ACVR1: variants seen among roughly 807,000 people sequenced by gnomAD.
ACVR1 encodes the protein activin receptor type-1.
A neutral mutation model predicts 57.1 loss-of-function variants in ACVR1; 38 were observed. The ratio of observed to expected loss-of-function variants is 0.67; its 90% CI spans 0.51 to 0.87. The LOEUF (loss-of-function observed/expected upper bound fraction) is 0.87. Among genes scored for constraint, ACVR1 ranks in the 40% least tolerant of loss-of-function variants. The pLI is 0.00. For missense variants in ACVR1, 463 were observed against 638.2 expected (o/e 0.73, Z 2.96); for synonymous variants, 212 against 228.1 (o/e 0.93, Z 0.63).
chr2:157,801,808 T>C (rs1407728363), intron 2 of ACVR1, among the ~76,000 whole-genome samples: 5 of 152,212 alleles, frequency 3.3e-5, no homozygotes, highest in Non-Finnish European at 7.3e-5. Flanking sequence ...GGATATGTCA[T>C]CACAAACCAT....
intron 1 of ACVR1, among the ~76,000 whole-genome samples, chr2:157,872,046 G>A (rs1690129755): frequency 6.6e-6 from 1 of 152,144 alleles, no homozygotes; most frequent in Non-Finnish European, 1.5e-5. Context: ...CTAAAAATGA[G>A]GAGGTAAATC....
intron 1 of ACVR1, among the ~76,000 whole-genome samples, chr2:157,823,962 C>G (rs1263968719): frequency 6.6e-6 from 1 of 152,168 alleles, no homozygotes; most frequent in Non-Finnish European, 1.5e-5. Context: ...CCCATGTAAT[C>G]TTTTCCTGCA....
rs146610930 is a variant in ACVR1 at position 157,774,171 on chromosome 2, G to A, written c.560C>T (p.Ser187Leu). ...DSTLADLLDH[S>L]CTSGSGSGLP... ...ACCAGAGCCACTTCCTGATGTACAC[G>A]AATGATCCAATAAATCCTGTGGTTT... Residue 187 changes from serine (S) to leucine (L), a missense_variant, in exon 6 of 11, where the codon TCG becomes TTG. Around this residue, in one of 3 missense-constraint regions of ACVR1, gnomAD observed 203 missense variants for 235.5 expected, o/e 0.86. Transcript: ENST00000434821. 1.5e-5 allele frequency: 25 copies of A among 1,613,846 alleles called. No homozygotes were observed. Among genetic ancestry groups the A allele is most frequent in the African/African-American group, 2.7e-5 (2 of 74,912 alleles).
intron 9 of ACVR1, among the ~76,000 whole-genome samples, chr2:157,749,874 G>A (rs1228792311): frequency 1.3e-5 from 2 of 152,194 alleles, no homozygotes; most frequent in Non-Finnish European, 2.9e-5. Context: ...CTGCACCCAT[G>A]TGCACCAATG....
intron 3 of ACVR1, among the ~76,000 whole-genome samples, chr2:157,781,857 C>A (rs1188784751): frequency 6.6e-6 from 1 of 152,188 alleles, no homozygotes; most frequent in African/African-American, 2.4e-5. Context: ...CAGCCAAGTC[C>A]TAGAGGCCAC....
In ACVR1 at chr2:157,774,521, C is replaced by T. The variant is rs190916938; in HGVS notation, c.544-334G>A. The stretch of plus-strand genomic sequence containing the variant: ...CTGGGGTTACAGGCACGCGCCACCA[C>T]GCCCGGCTAATTTTGTATTTTTAGT... On this transcript the variant is annotated intron_variant, in intron 5 of 10. Coordinates refer to ENST00000434821, the MANE Select transcript of ACVR1 (RefSeq NM_001111067.4). Among the ~76,000 whole-genome samples, 92 of 152,254 alleles carry T rather than the reference C, an allele frequency of 6.0e-4. No individual in the cohort carries two copies. The East Asian group carries it at 0.013, about 21-fold the overall frequency.
chr2:157,770,253 T>C, intron 7 of ACVR1, 115 bp downstream of exon 7: 1 of 1,132,748 alleles, frequency 8.8e-7, no homozygotes, highest in Non-Finnish European at 1.3e-6. Context: ...TAAGGATCCC[T>C]ATATTGCTTT....
In ACVR1 at chr2:157,739,876, G is replaced by T. The variant is rs967671777; in HGVS notation, c.1265-1306C>A. Among the ~76,000 whole-genome samples, 3 of 152,124 alleles carry T rather than the reference G, an allele frequency of 2.0e-5. No individual in the cohort carries two copies. The East Asian group carries it at 5.8e-4, about 29-fold the overall frequency. ...AGGTTTATATTTGAGATGGAAACAA[G>T]TCTAAATTATATTTTTTAAAAATCT... On this transcript the variant is annotated intron_variant, in intron 9 of 10. Transcript: ENST00000434821.
At chr2:157,854,301 G>T (rs1407340543) in intron 1 of ACVR1, among the ~76,000 whole-genome samples, 1 of 150,684 alleles carries the variant, frequency 6.6e-6, no homozygotes, top group Admixed American at 6.6e-5. Flanking sequence ...TTTGCACAAA[G>T]ACTTGGTGAT....
At chr2:157,837,434 A>T (rs1040484067) in intron 1 of ACVR1, among the ~76,000 whole-genome samples, 6 of 152,222 alleles carry the variant, frequency 3.9e-5, no homozygotes, top group Non-Finnish European at 4.4e-5. Flanking sequence ...AAAGCTGACT[A>T]AGGCAAGCCT....
chr2:157,774,645 T>G (rs1686208575), intron 5 of ACVR1, among the ~76,000 whole-genome samples: 1 of 152,118 alleles, frequency 6.6e-6, no homozygotes, highest in Non-Finnish European at 1.5e-5. Context: ...ATTACAGGCA[T>G]GAGCCACCAC....
At chr2:157,806,574 G>A (rs114218039) in intron 2 of ACVR1, among the ~76,000 whole-genome samples, 5,110 of 152,258 alleles carry the variant, frequency 0.034, 123 homozygotes, top group Non-Finnish European at 0.053. Context: ...CACTGTAACT[G>A]ATTAGATAAT....
chr2:157,852,034 G>A (rs551844139), intron 1 of ACVR1, among the ~76,000 whole-genome samples: 154 of 151,688 alleles, frequency 1.0e-3, no homozygotes, highest in Middle Eastern at 3.4e-3. Flanking sequence ...CAAGAGCATT[G>A]AATGTGGATT....
chr2:157,795,271 G>A (rs1326704774), intron 3 of ACVR1, among the ~76,000 whole-genome samples: 1 of 151,900 alleles, frequency 6.6e-6, no homozygotes, highest in East Asian at 1.9e-4. Context: ...CTTAACATTT[G>A]CTTTTTAACC....
At chr2:157,765,844 G>T (rs1206092050) in intron 8 of ACVR1, 77 bp downstream of exon 8, 13 of 1,462,040 alleles carry the variant, frequency 8.9e-6, no homozygotes, top group African/African-American at 2.8e-5. Flanking sequence ...AACATGTTGT[G>T]GGGGAGAGAT....
intron 9 of ACVR1, among the ~76,000 whole-genome samples, chr2:157,739,681 A>G (rs1213996492): frequency 6.6e-6 from 1 of 152,204 alleles, no homozygotes; most frequent in African/African-American, 2.4e-5. Context: ...AAGCCACCTG[A>G]AAAGCTTCAA....
At chr2:157,786,837 T>G (rs553552129) in intron 3 of ACVR1, among the ~76,000 whole-genome samples, 8 of 152,264 alleles carry the variant, frequency 5.3e-5, no homozygotes, top group Admixed American at 5.2e-4. Flanking sequence ...GGCTGCCTAG[T>G]AGAGAAAAAG....
In ACVR1 at chr2:157,757,568, A is replaced by G. The variant is rs542153646; in HGVS notation, c.1264+3312T>C. Among the ~76,000 whole-genome samples the G allele has an allele frequency of 3.3e-5, 5 of 151,980 alleles. No individual in the cohort carries two copies. In the South Asian group the frequency reaches 8.3e-4, roughly 25 times the overall value. On this transcript the variant is annotated intron_variant, in intron 9 of 10. Coordinates refer to ENST00000434821, the MANE Select transcript of ACVR1 (RefSeq NM_001111067.4). ...CAGTGGATTTCTCAGTGGTAATCTC[A>G]CGGGCCAAGAGAGAATGGGATGACA...
intron 2 of ACVR1, among the ~76,000 whole-genome samples, chr2:157,807,696 C>A (rs909953108): frequency 6.6e-6 from 1 of 151,940 alleles, no homozygotes; most frequent in Non-Finnish European, 1.5e-5. Flanking sequence ...CTGTCTCAGT[C>A]CTCTGTCTCA....
Sources: allele counts gnomAD v4.1 joint callset (sites outside exome capture counted in the v4.1 genomes callset), GRCh38; gene constraint gnomAD v4.1.1; regional missense constraint gnomAD v4.1.1; transcripts MANE v1.5; gene names NCBI Gene and HGNC (gene_info 2026-07-23, HGNC 2026-07-21).